The following UNC45B variants were observed in gnomAD, a reference collection of about 807,000 sequenced individuals.
UNC45B encodes protein unc-45 homolog B.
UNC45B carries 78 observed loss-of-function variants against 98.7 expected under a neutral mutation model. That is an observed-to-expected ratio of 0.79 (90% CI 0.66 to 0.95). UNC45B has a LOEUF of 0.95. Among genes scored for constraint, UNC45B ranks in the 40% least tolerant of loss-of-function variants. The probability of loss-of-function intolerance (pLI) is 0.00; values close to 1 mark genes in which losing one functional copy is unlikely to be tolerated. For missense variants in UNC45B, 1,225 were observed against 1,184.9 expected (o/e 1.03, Z -0.50); for synonymous variants, 462 against 480.4 (o/e 0.96, Z 0.50).
chr17:35,166,105 A>AAAAAAAAAAAAAAAAAAAAAAAAT (rs1567760462), intron 9 of UNC45B, among the ~76,000 whole-genome samples: 3 of 148,088 alleles, frequency 2.0e-5, no homozygotes, highest in African/African-American at 7.5e-5. Context: ...AAAAAAAAAA[A>AAAAAAAAAAAAAAAAAAAAAAAAT]AAAAAATTAA....
At chr17:35,155,497 G>A in intron 7 of UNC45B, 33 bp downstream of exon 7, 5 of 1,607,434 alleles carry the variant, frequency 3.1e-6, no homozygotes, top group Non-Finnish European at 4.3e-6. Flanking sequence ...GATTCAAGGG[G>A]ATGGGGAAAG....
At chr17:35,159,593 C>T in intron 8 of UNC45B, 48 bp downstream of exon 8, 1 of 1,581,788 alleles carries the variant, frequency 6.3e-7, no homozygotes, top group Non-Finnish European at 8.6e-7. Flanking sequence ...TTTAAGTGGG[C>T]ACCAGGGCAC....
At chr17:35,162,135 G>A (rs1473627735) in intron 8 of UNC45B, among the ~76,000 whole-genome samples, 1 of 152,146 alleles carries the variant, frequency 6.6e-6, no homozygotes, top group African/African-American at 2.4e-5. Context: ...GGTTTTCTGA[G>A]TTCTGTGAGC....
intron 8 of UNC45B, among the ~76,000 whole-genome samples, chr17:35,162,783 A>T (rs1323229890): frequency 1.3e-5 from 2 of 152,074 alleles, no homozygotes; most frequent in East Asian, 1.9e-4. Flanking sequence ...GGGTTTTGCC[A>T]TGTTGGCCAG....
At chr17:35,179,580 G>C (rs1372957789) in intron 17 of UNC45B, among the ~76,000 whole-genome samples, 3 of 152,176 alleles carry the variant, frequency 2.0e-5, no homozygotes, top group African/African-American at 4.8e-5. Flanking sequence ...CATAAAAAAG[G>C]ATGAGTTCAT....
Position 35,150,208 on chromosome 17 carries a change from C to T in UNC45B, c.366C>T (p.Thr122=). Residue 122 remains threonine (T), a synonymous_variant, in exon 4 of 20, where the codon ACC becomes ACT. Coordinates refer to ENST00000394570, the MANE Select transcript of UNC45B (RefSeq NM_001267052.2). ...AGGAGATGCTGAGGAGACTCAACAC[C>T]AGCATTCAGGAGAAGGTGAGCTGGG... ...NFQEMLRRLN[T]SIQEKLRVQF... The T allele has an allele frequency of 6.2e-7, 1 of 1,611,386 alleles. No individual in the cohort carries two copies. Among genetic ancestry groups the T allele is most frequent in the Non-Finnish European group, 8.5e-7 (1 of 1,178,614 alleles).
At chr17:35,156,385 T>C (rs891986140) in intron 7 of UNC45B, among the ~76,000 whole-genome samples, 4 of 152,186 alleles carry the variant, frequency 2.6e-5, no homozygotes, top group African/African-American at 9.7e-5. Context: ...CCCAGCAATT[T>C]GGGAGGCCGA....
chr17:35,170,365 G>A (rs2092175801), intron 12 of UNC45B, 110 bp downstream of exon 12: 6 of 1,273,958 alleles, frequency 4.7e-6, no homozygotes, highest in Non-Finnish European at 4.1e-6. Context: ...CCTTACCCCT[G>A]TATAAACATG....
chr17:35,177,068 G>A lies in UNC45B; in HGVS notation c.2077G>A (p.Ala693Thr). 6.2e-7 allele frequency: 1 copy of A among 1,614,204 alleles called. No individual in the cohort carries two copies. The highest frequency in any genetic ancestry group is 1.3e-5 in the African/African-American group (1 of 75,046). Residue 693 changes from alanine (A) to threonine (T), a missense_variant, in exon 16 of 20, where the codon GCC becomes ACC. Physicochemically the swap from Ala to Thr is moderately conservative, Grantham distance 58. Transcript: ENST00000394570. ...CACAGATGTGGGCAAGGTGAAGGCAGCCCACGCTCTAGCAAAGATCGCTGC... is the reference window on the plus strand; with the variant it reads ...CACAGATGTGGGCAAGGTGAAGGCAACCCACGCTCTAGCAAAGATCGCTGC... Reference protein sequence around the residue: ...EGTDVGKVKAAHALAKIAAVS... With the variant: ...EGTDVGKVKATHALAKIAAVS...
intron 15 of UNC45B, 129 bp from the exon 16 acceptor site, chr17:35,176,888 A>G: frequency 3.0e-6 from 2 of 666,846 alleles, no homozygotes; most frequent in East Asian, 2.5e-5. Context: ...CATGATGTGC[A>G]AGGGCTGATT....
chr17:35,171,310 T>G lies in UNC45B; in HGVS notation c.1690-12T>G. 1 of 1,613,162 alleles carries G rather than the reference T, an allele frequency of 6.2e-7. No individual in the cohort carries two copies. Among genetic ancestry groups the G allele is most frequent in the Non-Finnish European group, 8.5e-7 (1 of 1,179,494 alleles). ...TTTCTGCTTTCCCTCTCCCCAACCCTGTGCCTTCCAGACCAGTGACAAGAC... is the reference window on the plus strand; with the variant it reads ...TTTCTGCTTTCCCTCTCCCCAACCCGGTGCCTTCCAGACCAGTGACAAGAC... On this transcript the variant is annotated splice_polypyrimidine_tract_variant and intron_variant, in intron 12 of 19. Transcript: ENST00000394570.
At chr17:35,155,588 T>G in intron 7 of UNC45B, 124 bp downstream of exon 7, 1 of 1,011,996 alleles carries the variant, frequency 9.9e-7, no homozygotes, top group South Asian at 1.6e-5. Flanking sequence ...TTTCTTCTCT[T>G]TTTTTGAGAT....
chr17:35,177,071 C>T lies in UNC45B; in HGVS notation c.2080C>T (p.His694Tyr). Residue 694 changes from histidine to tyrosine, a missense_variant, in exon 16 of 20, where the codon CAC becomes TAC. By Grantham distance (83) the His-to-Tyr change is moderately conservative. Transcript: ENST00000394570. ...AGATGTGGGCAAGGTGAAGGCAGCC[C>T]ACGCTCTAGCAAAGATCGCTGCTGT... ...GTDVGKVKAA[H>Y]ALAKIAAVSN... 1 of 1,614,186 alleles carries T rather than the reference C, an allele frequency of 6.2e-7. No individual in the cohort carries two copies.
rs751293433 is a variant in UNC45B at position 35,156,633 on chromosome 17, A to AG, written c.808+1169_808+1170insG. Among the ~76,000 whole-genome samples, 56 of 152,280 alleles carry AG rather than the reference A, an allele frequency of 3.7e-4. No homozygotes were observed. In the East Asian group the frequency reaches 0.01, roughly 27 times the overall value. ...AGAGTGAGACTCCGTCTCAAAAAAA[A>AG]AAGGTTAAAATGGTAAATTTTATGT... is the stretch of plus-strand genomic sequence containing the variant. On this transcript the variant is annotated intron_variant, in intron 7 of 19. Transcript: ENST00000394570.
intron 8 of UNC45B, among the ~76,000 whole-genome samples, chr17:35,162,081 T>A (rs1391719766): frequency 3.9e-5 from 6 of 152,198 alleles, no homozygotes; most frequent in African/African-American, 9.7e-5. Flanking sequence ...GTTTTTGTTG[T>A]TGTTGTTGTT....
In UNC45B at chr17:35,163,996, T is replaced by C; in HGVS notation, c.981T>C (p.Gly327=). 6.2e-7 allele frequency: 1 copy of C among 1,611,530 alleles called. No individual in the cohort carries two copies. Among genetic ancestry groups the C allele is most frequent in the Non-Finnish European group, 8.5e-7 (1 of 1,178,672 alleles). Residue 327 remains glycine, a splice_region_variant and synonymous_variant, in exon 9 of 20, where the codon GGT becomes GGC. Transcript: ENST00000394570. ...GGCTTGCCACTGTCTACCCTGCAGG[T>C]CTGAGGAAGATCCTGAAGGTTGTGG... ...NSRTIYVVDN[G]LRKILKVVGQ...
At position 35,174,244 on chromosome 17, in the gene UNC45B, CAAG is replaced by C. The variant is rs773800037; in HGVS notation, c.1837_1839del (p.Lys613del). On this transcript the variant is annotated inframe_deletion, in exon 14 of 20. Coordinates refer to ENST00000394570, the MANE Select transcript of UNC45B (RefSeq NM_001267052.2). The stretch of plus-strand genomic sequence containing the variant: ...TTGCCATCTTTTCATCTCCTCAGGA[CAAG>C]AAGGACTTTATAGACATGCGGGTGA... 1 of 1,614,182 alleles carries C rather than the reference CAAG, an allele frequency of 6.2e-7. No homozygotes were observed. The highest frequency in any genetic ancestry group is 8.5e-7 in the Non-Finnish European group (1 of 1,180,018).
At position 35,154,602 on chromosome 17, in the gene UNC45B, G is replaced by C; in HGVS notation, c.500G>C (p.Arg167Pro). The change falls in exon 6 of 20, where the codon CGT (arginine) becomes CCT (proline). Residue 167 changes from arginine to proline, a missense_variant. Physicochemically the swap from Arg to Pro is moderately radical, Grantham distance 103. Transcript: ENST00000394570. ...GCCAACAATCTCATTGTCCTAGGCCGTGAGGAAGCAGGGGCTGAGAAGATC... is the reference window on the plus strand; with the variant it reads ...GCCAACAATCTCATTGTCCTAGGCCCTGAGGAAGCAGGGGCTGAGAAGATC... Reference protein sequence around the residue: ...KAANNLIVLGREEAGAEKIFQ... With the variant: ...KAANNLIVLGPEEAGAEKIFQ... 1 of 1,613,416 alleles carries C rather than the reference G, an allele frequency of 6.2e-7. No individual in the cohort carries two copies. The highest frequency in any genetic ancestry group is 8.5e-7 in the Non-Finnish European group (1 of 1,179,784).
intron 17 of UNC45B, among the ~76,000 whole-genome samples, chr17:35,179,195 T>C (rs1319068314): frequency 2.0e-5 from 3 of 152,250 alleles, no homozygotes; most frequent in Non-Finnish European, 4.4e-5. Flanking sequence ...GAGCATGGAA[T>C]GTTCTTCCAT....
Sources: allele counts gnomAD v4.1 joint callset (sites outside exome capture counted in the v4.1 genomes callset), GRCh38; gene constraint gnomAD v4.1.1; transcripts MANE v1.5; gene names NCBI Gene and HGNC (gene_info 2026-07-23, HGNC 2026-07-21).